Variants in RSPO2 observed in about 807,000 individuals in gnomAD.
The protein encoded by RSPO2 is R-spondin-2.
Under a neutral mutation model 30.9 loss-of-function variants are expected in RSPO2, and 14 were observed. The observed-to-expected ratio is 0.45, with a 90% CI of 0.30 to 0.71. The LOEUF is 0.71. Among genes scored for constraint, RSPO2 ranks in the 30% least tolerant of loss-of-function variants. The pLI is 0.08. For missense variants in RSPO2, 264 were observed against 301.9 expected (o/e 0.87, Z 0.93); for synonymous variants, 107 against 96.4 (o/e 1.11, Z -0.64).
chr8:108,002,092 G>A (rs577951151), intron 2 of RSPO2, among the ~76,000 whole-genome samples: 1 of 152,156 alleles, frequency 6.6e-6, no homozygotes, highest in African/African-American at 2.4e-5. Flanking sequence ...ATAAGCCTTA[G>A]CTTGAAACTG....
intron 3 of RSPO2, among the ~76,000 whole-genome samples, chr8:107,976,189 G>GA (rs1814202245): frequency 6.6e-6 from 1 of 152,202 alleles, no homozygotes; most frequent in South Asian, 2.1e-4. Context: ...TGCCAAAGGG[G>GA]AAAAAATCCT....
intron 5 of RSPO2, among the ~76,000 whole-genome samples, chr8:107,939,478 CTT>C (rs10558817): frequency 0.063 from 8,884 of 140,292 alleles, 781 homozygotes; most frequent in African/African-American, 0.21. Flanking sequence ...ATTAAATTAT[CTT>C]TTTTTTTTTT....
chr8:108,071,991 T>G (rs1240482887), intron 2 of RSPO2, among the ~76,000 whole-genome samples: 1 of 152,000 alleles, frequency 6.6e-6, no homozygotes, highest in Non-Finnish European at 1.5e-5. Flanking sequence ...TCTATGACAG[T>G]AAAAGAGCAG....
intron 2 of RSPO2, among the ~76,000 whole-genome samples, chr8:108,011,127 C>A: frequency 1.1e-5 from 1 of 87,774 alleles, no homozygotes; most frequent in Non-Finnish European, 2.0e-5. Flanking sequence ...AGTGAGACTC[C>A]GTCCCAGAAA....
chr8:107,906,401 AT>A (rs1054801124), intron 5 of RSPO2, among the ~76,000 whole-genome samples: 1 of 40,760 alleles, frequency 2.5e-5, no homozygotes, highest in African/African-American at 4.9e-5. Context: ...ATATTTTTAT[AT>A]TTTATATTTT....
At chr8:107,909,014 C>G (rs897481951) in intron 5 of RSPO2, among the ~76,000 whole-genome samples, 1 of 152,248 alleles carries the variant, frequency 6.6e-6, no homozygotes, top group East Asian at 1.9e-4. Context: ...GGTGGTGATT[C>G]CTGACAAGTT....
chr8:108,070,424 C>T (rs1456891816), intron 2 of RSPO2, among the ~76,000 whole-genome samples: 5 of 151,686 alleles, frequency 3.3e-5, no homozygotes, highest in Non-Finnish European at 7.4e-5. Flanking sequence ...TCCCGAGTAG[C>T]TGGGACTACA....
At chr8:108,049,252 G>T (rs912099000) in intron 2 of RSPO2, among the ~76,000 whole-genome samples, 1 of 151,704 alleles carries the variant, frequency 6.6e-6, no homozygotes, top group African/African-American at 2.4e-5. Context: ...TATAATAAAA[G>T]AATAAAATAA....
At chr8:108,064,089 T>C (rs1812574723) in intron 2 of RSPO2, among the ~76,000 whole-genome samples, 8 of 152,120 alleles carry the variant, frequency 5.3e-5, no homozygotes, top group Admixed American at 3.9e-4. Flanking sequence ...GAAGAAAACC[T>C]AGGCAATACC....
chr8:108,079,787 T>C lies in RSPO2; in HGVS notation c.94+2758A>G, dbSNP rs558110205. 6.0e-5 allele frequency among the ~76,000 whole-genome samples: 9 copies of C among 150,830 alleles called. No individual in the cohort carries two copies. The South Asian group carries it at 8.4e-4, about 14-fold the overall frequency. On this transcript the variant is annotated intron_variant, in intron 2 of 5. Transcript: ENST00000276659. ...TACTTGTAGCACAAAGCCAAGAAAA[T>C]AACTAATCTTCCAAACTACAACACC...
chr8:108,000,829 G>A (rs1157803046), intron 2 of RSPO2, among the ~76,000 whole-genome samples: 1 of 151,972 alleles, frequency 6.6e-6, no homozygotes, highest in Non-Finnish European at 1.5e-5. Context: ...GTGAAACCCT[G>A]TCTCTACTAA....
chr8:108,051,956 CA>C (rs1245363453), intron 2 of RSPO2, among the ~76,000 whole-genome samples: 1 of 152,100 alleles, frequency 6.6e-6, no homozygotes, highest in African/African-American at 2.4e-5. Context: ...TAACTTGCAC[CA>C]AACTGAGCAA....
At chr8:108,040,158 A>C (rs1811708680) in intron 2 of RSPO2, among the ~76,000 whole-genome samples, 2 of 152,176 alleles carry the variant, frequency 1.3e-5, no homozygotes, top group Admixed American at 6.5e-5. Flanking sequence ...AAGAAAAATA[A>C]TACTAAACAC....
chr8:107,964,353 C>A (rs2453422), intron 3 of RSPO2, among the ~76,000 whole-genome samples: 77,037 of 152,122 alleles, frequency 0.51, 21,738 homozygotes, highest in East Asian at 0.69. Context: ...AGTGATTCTC[C>A]TGCCTCAGCG....
intron 5 of RSPO2, among the ~76,000 whole-genome samples, chr8:107,940,906 T>A (rs1312371036): frequency 6.6e-6 from 1 of 152,194 alleles, no homozygotes; most frequent in Non-Finnish European, 1.5e-5. Flanking sequence ...GCTTATTATA[T>A]TTCCCCTTTA....
chr8:108,005,076 A>G (rs1344575134), intron 2 of RSPO2, among the ~76,000 whole-genome samples: 2 of 152,150 alleles, frequency 1.3e-5, no homozygotes, highest in Non-Finnish European at 2.9e-5. Flanking sequence ...AGTTTTTAAG[A>G]GAACAGGTCA....
intron 2 of RSPO2, among the ~76,000 whole-genome samples, chr8:108,062,976 C>A (rs182681100): frequency 1.2e-4 from 18 of 151,966 alleles, no homozygotes; most frequent in Admixed American, 1.0e-3. Context: ...TGACAAAATT[C>A]AACTGCCCTT....
intron 5 of RSPO2, among the ~76,000 whole-genome samples, chr8:107,954,901 G>A (rs1027842142): frequency 9.2e-5 from 14 of 152,108 alleles, no homozygotes; most frequent in African/African-American, 2.9e-4. Context: ...GAGCCATTGC[G>A]CCTGGCCTCT....
intron 2 of RSPO2, among the ~76,000 whole-genome samples, chr8:108,023,368 A>T (rs1811111872): frequency 6.6e-6 from 1 of 152,228 alleles, no homozygotes; most frequent in Admixed American, 6.5e-5. Context: ...AGAAAGCACC[A>T]GCTTCTGGTT....
Sources: gnomAD v4.1 joint callset for allele counts (sites outside exome capture counted in the v4.1 genomes callset) on GRCh38, gnomAD v4.1.1 for gene constraint, MANE v1.5 for transcripts, NCBI Gene and HGNC (gene_info 2026-07-23, HGNC 2026-07-21) for gene names.